Variants in TOX2 observed in about 807,000 individuals in gnomAD.
TOX2 encodes TOX high mobility group box family member 2.
In TOX2, 15 loss-of-function variants were observed where a neutral mutation model predicts 47.4. The ratio of observed to expected loss-of-function variants is 0.32; its 90% CI spans 0.21 to 0.49. The LOEUF is 0.49. Ranked by LOEUF, TOX2 falls within the 20% of genes least tolerant of loss-of-function variation. The pLI, the probability that TOX2 is intolerant of heterozygous loss-of-function variation, is 0.99. For missense variants in TOX2, 622 were observed against 673.1 expected, an observed-to-expected ratio of 0.92 and a Z score of 0.84; for synonymous variants, 290 against 296.6, an observed-to-expected ratio of 0.98 and a Z score of 0.23.
intron 3 of TOX2, among the ~76,000 whole-genome samples, chr20:44,031,451 C>T (rs1234351958): frequency 6.6e-6 from 1 of 152,122 alleles, no homozygotes; most frequent in African/African-American, 2.4e-5. Context: ...GCGATTAGCT[C>T]ATTCCATCTG....
rs113647690 is a variant in TOX2 at position 43,939,519 on chromosome 20, T to C, written c.99+24529T>C. 1.1e-4 allele frequency among the ~76,000 whole-genome samples: 16 copies of C among 152,080 alleles called. 1 individual carries two copies. The highest frequency in any genetic ancestry group is 3.9e-4 in the Admixed American group (6 of 15,274). On this transcript the variant is annotated intron_variant, in intron 1 of 8. Coordinates refer to ENST00000341197, the MANE Select transcript of TOX2 (RefSeq NM_001098797.2). ...GGAGGGGATGGGAACTGTATAAGAG[T>C]AGGACGGATGCCAAGACTAGTGAGG...
rs1171624606 is a variant in TOX2, at chr20:44,066,117, G to A, written c.1356+10G>A. On this transcript the variant is annotated intron_variant, in intron 7 of 8. Transcript: ENST00000341197. Reference sequence around the variant, plus strand: ...ACCTCCAGGGCCACAGGTAAGCAGGGAAGAGCAGAACAGCCCTTCTGTGAC... The same window carrying A: ...ACCTCCAGGGCCACAGGTAAGCAGGAAAGAGCAGAACAGCCCTTCTGTGAC... The A allele has an allele frequency of 2.0e-6, 3 of 1,531,032 alleles. No individual in the cohort carries two copies. The highest frequency in any genetic ancestry group is 1.9e-5 in the Admixed American group (1 of 51,764). The allele number at this position is 1,531,032 out of a possible 1,614,324, so 94.8% of individuals were successfully genotyped here.
rs149204183 is a variant in TOX2 at position 43,977,722 on chromosome 20, G to A, written c.165+4290G>A. Among the ~76,000 whole-genome samples, 264 of 152,220 alleles carry A rather than the reference G, an allele frequency of 1.7e-3. 2 individuals are homozygous for A. The highest frequency in any genetic ancestry group is 5.6e-3 in the African/African-American group (233 of 41,544). ...GGGTTACTTTTGTACCAGACTTGCC[G>A]GGGTGGCCTGAGAATGAGATATAAT... On this transcript the variant is annotated intron_variant, in intron 2 of 8. Coordinates refer to ENST00000341197, the MANE Select transcript of TOX2 (RefSeq NM_001098797.2).
rs75844339 is a variant in TOX2, at chr20:44,065,261, C to T, written c.960+404C>T. On this transcript the variant is annotated intron_variant, in intron 6 of 8. Transcript: ENST00000341197. Reference sequence around the variant, plus strand: ...CGGCCTCCTCTGTCAACACCAGCAACGTAGGAAGCTAAGTGTGGCTGCGGA... The same window carrying T: ...CGGCCTCCTCTGTCAACACCAGCAATGTAGGAAGCTAAGTGTGGCTGCGGA... 1.8e-4 allele frequency among the ~76,000 whole-genome samples: 28 copies of T among 152,286 alleles called. No individual in the cohort carries two copies. The South Asian group carries it at 3.7e-3, about 20-fold the overall frequency.
chr20:44,048,414 G>GAATTTATATATATATATATATATA, intron 3 of TOX2, among the ~76,000 whole-genome samples: 1 of 118,374 alleles, frequency 8.4e-6, no homozygotes, highest in East Asian at 2.2e-4. Context: ...ATATATATAT[G>GAATTTATATATATATATATATATA]TATAATTTAC....
At chr20:43,959,528 TTTC>T (rs979747075) in intron 1 of TOX2, among the ~76,000 whole-genome samples, 17 of 152,170 alleles carry the variant, frequency 1.1e-4, no homozygotes, top group Non-Finnish European at 1.0e-4. Flanking sequence ...AAAGATTTCT[TTTC>T]TTCTTCTTTT....
At chr20:44,038,950 G>A (rs997722136) in intron 3 of TOX2, 17 of 1,182,840 alleles carry the variant, frequency 1.4e-5, no homozygotes, top group Admixed American at 1.1e-4. Context: ...TGCTGCCTCC[G>A]TGTCTCCTCC....
At position 44,053,429 on chromosome 20, in the gene TOX2, G is replaced by A. The variant is rs541024632; in HGVS notation, c.652-870G>A. Among the ~76,000 whole-genome samples, 528 of 129,502 alleles carry A rather than the reference G, an allele frequency of 4.1e-3. 3 individuals are homozygous for A. The highest frequency in any genetic ancestry group is 6.2e-3 in the Non-Finnish European group (390 of 62,978). The allele number at this position is 129,502 out of a possible 152,430, so 85.0% of individuals were successfully genotyped here. On this transcript the variant is annotated intron_variant, in intron 4 of 8. Transcript: ENST00000341197. ...TGGGGATTGTGCTCACAAGTGGGAG[G>A]GCAGATATATACACACACACACACA...
At chr20:43,921,219 A>C (rs968285171) in intron 1 of TOX2, among the ~76,000 whole-genome samples, 1 of 152,186 alleles carries the variant, frequency 6.6e-6, no homozygotes, top group African/African-American at 2.4e-5. Flanking sequence ...CTGAGCCTGC[A>C]TGAAGGACAA....
At chr20:43,924,579 C>A (rs2069144616) in intron 1 of TOX2, among the ~76,000 whole-genome samples, 1 of 152,178 alleles carries the variant, frequency 6.6e-6, no homozygotes, top group Non-Finnish European at 1.5e-5. Context: ...CCCTGCCCAG[C>A]CTCAATGCAG....
chr20:44,051,179 G>T (rs2071502254), intron 3 of TOX2, 127 bp from the exon 4 acceptor site: 1 of 1,349,922 alleles, frequency 7.4e-7, no homozygotes, highest in Middle Eastern at 2.4e-4. Flanking sequence ...CACCTGTCAG[G>T]GATCGGAGCA....
chr20:43,975,800 G>GGA (rs2070067091), intron 2 of TOX2, among the ~76,000 whole-genome samples: 1 of 152,036 alleles, frequency 6.6e-6, no homozygotes. Context: ...ACCACCATGG[G>GGA]GAAAGGATCT....
chr20:43,949,692 C>G (rs917740297), intron 1 of TOX2, among the ~76,000 whole-genome samples: 4 of 152,178 alleles, frequency 2.6e-5, no homozygotes, highest in African/African-American at 9.6e-5. Flanking sequence ...CCTGTTTATT[C>G]TCGCAGGTGT....
chr20:43,923,920 C>T (rs1361493567), intron 1 of TOX2, among the ~76,000 whole-genome samples: 1 of 152,162 alleles, frequency 6.6e-6, no homozygotes, highest in African/African-American at 2.4e-5. Flanking sequence ...GGAGCTGTGG[C>T]GCTAAGGTGG....
intron 1 of TOX2, among the ~76,000 whole-genome samples, chr20:43,951,532 G>C (rs937147369): frequency 6.6e-6 from 1 of 151,852 alleles, no homozygotes. Context: ...AGCTGAGATC[G>C]TGCCATTGCA....
intron 1 of TOX2, chr20:43,946,097 C>T (rs1442067163): frequency 2.0e-5 from 32 of 1,599,820 alleles, no homozygotes; most frequent in Non-Finnish European, 2.7e-5. Context: ...TCACTGTGGG[C>T]TGAAGATAGG....
At chr20:44,009,026 A>T (rs2070736395) in intron 3 of TOX2, among the ~76,000 whole-genome samples, 1 of 152,042 alleles carries the variant, frequency 6.6e-6, no homozygotes, top group Admixed American at 6.6e-5. Flanking sequence ...AGTCACACAT[A>T]CACCTGTGGC....
chr20:44,000,097 C>A (rs983702834), intron 2 of TOX2, among the ~76,000 whole-genome samples: 2 of 152,200 alleles, frequency 1.3e-5, no homozygotes, highest in African/African-American at 4.8e-5. Context: ...GAGATGATGA[C>A]GTCAGAGAGG....
At chr20:44,005,439 A>G (rs2070660668) in intron 2 of TOX2, among the ~76,000 whole-genome samples, 2 of 152,242 alleles carry the variant, frequency 1.3e-5, no homozygotes, top group South Asian at 2.1e-4. Context: ...CTCAAGCTAA[A>G]GTAACCTTGT....
Sources: allele counts gnomAD v4.1 joint callset (sites outside exome capture counted in the v4.1 genomes callset), GRCh38; gene constraint gnomAD v4.1.1; transcripts MANE v1.5; gene names NCBI Gene and HGNC (gene_info 2026-07-23, HGNC 2026-07-21).